The following TNK2 variants were observed in gnomAD, a reference collection of about 807,000 sequenced individuals.
TNK2 encodes the protein tyrosine kinase non receptor 2.
Under a neutral mutation model 101.8 loss-of-function variants are expected in TNK2, and 83 were observed. The observed-to-expected ratio is 0.82, with a 90% CI of 0.68 to 0.98. The LOEUF is 0.98. TNK2 is among the 50% of genes least tolerant of loss of function. The probability of loss-of-function intolerance (pLI) is 0.00; values close to 1 mark genes in which losing one functional copy is unlikely to be tolerated. For missense variants in TNK2, 1,665 were observed against 1,483.2 expected (o/e 1.12, Z -2.01); for synonymous variants, 804 against 633.0 (o/e 1.27, Z -4.06).
intron 1 of TNK2, among the ~76,000 whole-genome samples, chr3:195,906,776 A>G (rs953565510): frequency 2.4e-4 from 36 of 152,224 alleles, no homozygotes; most frequent in African/African-American, 8.4e-4. Context: ...ACTGTTATTT[A>G]AAACAAACAA....
Position 195,878,200 on chromosome 3 carries a change from G to T in TNK2, c.1256+53C>A. 2.5e-6 allele frequency: 4 copies of T among 1,583,714 alleles called. No homozygotes were observed. In the South Asian group the frequency reaches 3.3e-5, roughly 13 times the overall value. Reference sequence around the variant, plus strand: ...AACAGATCTGTCCACAGGTCCCTCCGACCTGTGCCCTTCAAGCGATCCCAG... The same window carrying T: ...AACAGATCTGTCCACAGGTCCCTCCTACCTGTGCCCTTCAAGCGATCCCAG... On this transcript the variant is annotated intron_variant, in intron 9 of 15. Transcript: ENST00000672887. This position sits in a 1 kb window ranked among gnomAD's most constrained non-coding sequence, Gnocchi z 4.7.
chr3:195,889,838 A>G (rs938010535), intron 1 of TNK2, among the ~76,000 whole-genome samples: 1 of 152,190 alleles, frequency 6.6e-6, no homozygotes, highest in African/African-American at 2.4e-5. Flanking sequence ...CTAGCCCCGG[A>G]CCCATGCTCA....
chr3:195,891,944 C>T (rs1005991944), intron 1 of TNK2: 2 of 990,232 alleles, frequency 2.0e-6, no homozygotes, highest in African/African-American at 3.5e-5. Flanking sequence ...TGCTCCCTGA[C>T]CCAGCAACAG....
At position 195,886,957 on chromosome 3, in the gene TNK2, T is replaced by G; in HGVS notation, c.234+20A>C. 2.3e-6 allele frequency: 3 copies of G among 1,280,580 alleles called. No individual in the cohort carries two copies. The highest frequency in any genetic ancestry group is 3.3e-6 in the Non-Finnish European group (3 of 917,902). The allele number at this position is 1,280,580 out of a possible 1,614,324, so 79.3% of individuals were successfully genotyped here. On this transcript the variant is annotated intron_variant, in intron 3 of 15. Transcript: ENST00000672887. The surrounding 1 kb of genome is among the most constrained non-coding windows in gnomAD (Gnocchi z 4.2). ...TCGAGGCTGCCCCCCTCCCACCTCC[T>G]CACCCACCTCCTCACCCACCTTACT...
In TNK2 at chr3:195,885,253, T is replaced by A. The variant is rs1356067398; in HGVS notation, c.235-220A>T. The A allele has an allele frequency of 9.2e-7, 1 of 1,089,306 alleles. No individual in the cohort carries two copies. Among genetic ancestry groups the A allele is most frequent in the Non-Finnish European group, 1.3e-6 (1 of 785,520 alleles). The allele number at this position is 1,089,306 out of a possible 1,614,324, so 67.5% of individuals were successfully genotyped here. On this transcript the variant is annotated intron_variant, in intron 3 of 15. Transcript: ENST00000672887. The surrounding 1 kb of genome is among the most constrained non-coding windows in gnomAD (Gnocchi z 4.7). The stretch of plus-strand genomic sequence containing the variant: ...AGCCTGATGCTGGCCTCAAGGAGGG[T>A]GCCAGAAAGAGACCGACAGGCATGC...
chr3:195,872,254 T>A (rs760164414), intron 10 of TNK2, 22 bp downstream of exon 10: 1 of 1,612,620 alleles, frequency 6.2e-7, no homozygotes, highest in Admixed American at 1.7e-5. Flanking sequence ...CAGGTCAGCA[T>A]CCATCCCCGC....
At chr3:195,895,286 G>C in intron 1 of TNK2, 1 of 1,570,756 alleles carries the variant, frequency 6.4e-7, no homozygotes, top group Middle Eastern at 1.7e-4. Context: ...CTGGTAAGCA[G>C]ATCTCTCCCC....
At position 195,892,405 on chromosome 3, in the gene TNK2, A is replaced by C. The variant is rs754689201; in HGVS notation, c.-18-3799T>G. The C allele has an allele frequency of 1.4e-5, 21 of 1,527,606 alleles. No individual in the cohort carries two copies. The South Asian group carries it at 2.5e-4, about 18-fold the overall frequency. The allele number at this position is 1,527,606 out of a possible 1,614,324, so 94.6% of individuals were successfully genotyped here. A position where few individuals can be genotyped will look rare whatever the true frequency, so the allele number is the denominator to read the frequency against. Reference sequence around the variant, plus strand: ...CCCAGCAGTCCAGCCCCTGCCCCCCACTCACTGTGTACAGGCGTCGCCGCA... The same window carrying C: ...CCCAGCAGTCCAGCCCCTGCCCCCCCCTCACTGTGTACAGGCGTCGCCGCA... On this transcript the variant is annotated intron_variant, in intron 1 of 15. Transcript: ENST00000672887.
intron 2 of TNK2, among the ~76,000 whole-genome samples, chr3:195,887,850 G>A (rs1319578246): frequency 1.0e-5 from 1 of 98,662 alleles, no homozygotes; most frequent in East Asian, 2.3e-4. Context: ...GTGTGTGTGT[G>A]CGTGTCTGTG....
chr3:195,890,341 C>T (rs1355487031), intron 1 of TNK2, among the ~76,000 whole-genome samples: 1 of 152,150 alleles, frequency 6.6e-6, no homozygotes, highest in Non-Finnish European at 1.5e-5. Context: ...AGGACATTCT[C>T]GCACTGTCCC....
In TNK2 at chr3:195,867,453, G is replaced by A. The variant is rs766070915; in HGVS notation, c.2845C>T (p.Pro949Ser). The A allele has an allele frequency of 7.5e-6, 12 of 1,591,684 alleles. No homozygotes were observed. The highest frequency in any genetic ancestry group is 2.0e-4 in the Middle Eastern group (1 of 4,900). ...STNNSNPGAR[P>S]PPPRATARLP... ...CGAGCAGTGGCCCTCGGGGGTGGTG[G>A]CCGGGCCCCTGGGTTGCTGTTGTTG... The change falls in exon 13 of 16, where the codon CCA becomes TCA. Residue 949 changes from proline (P) to serine (S), a missense_variant. Pro to Ser is a moderately conservative substitution (Grantham distance 74). Transcript: ENST00000672887.
intron 1 of TNK2, chr3:195,907,967 CAGAAG>C (rs1761912683): frequency 6.6e-6 from 1 of 152,324 alleles, no homozygotes; most frequent in African/African-American, 2.4e-5. Context: ...GACGGCGTGG[CAGAAG>C]CGGGCCAGGC....
chr3:195,895,243 T>C (rs778510138), intron 1 of TNK2: 35 of 1,539,300 alleles, frequency 2.3e-5, no homozygotes, highest in Non-Finnish European at 3.1e-5. Flanking sequence ...CCTTCCCCAT[T>C]ACCTGCGGTC....
chr3:195,871,723 G>A (rs942889705), intron 10 of TNK2, among the ~76,000 whole-genome samples: 1 of 152,218 alleles, frequency 6.6e-6, no homozygotes, highest in African/African-American at 2.4e-5. Context: ...TTCATCTACA[G>A]TGAGTGGGAA....
intron 9 of TNK2, among the ~76,000 whole-genome samples, chr3:195,876,131 C>G (rs144981601): frequency 2.6e-5 from 4 of 152,152 alleles, no homozygotes; most frequent in Admixed American, 1.3e-4. Flanking sequence ...GCTCTGTATG[C>G]GGAACAAAAG....
At chr3:195,896,196 T>A (rs769619220) in intron 1 of TNK2, 1 of 437,022 alleles carries the variant, frequency 2.3e-6, no homozygotes, top group Admixed American at 2.5e-5. Context: ...GCTCTTCCTC[T>A]CCCCCGGGGC....
intron 1 of TNK2, chr3:195,894,790 G>C (rs1412708190): frequency 6.5e-6 from 1 of 153,762 alleles, no homozygotes; most frequent in Non-Finnish European, 1.4e-5. Flanking sequence ...GCCCTCTGCC[G>C]GTCGGGAGAG....
Position 195,878,414 on chromosome 3 carries a change from C to A in TNK2, c.1161+32G>T, listed in dbSNP as rs1750620572. ...CCTGGGTAGCCCCTCAGCTTGAACACCCCAGCTCTCCTGGGCTGACCTGTC... is the reference window on the plus strand; with the variant it reads ...CCTGGGTAGCCCCTCAGCTTGAACAACCCAGCTCTCCTGGGCTGACCTGTC... On this transcript the variant is annotated intron_variant, in intron 8 of 15. Coordinates refer to ENST00000672887, the MANE Select transcript of TNK2 (RefSeq NM_001382273.1). This position sits in a 1 kb window ranked among gnomAD's most constrained non-coding sequence, Gnocchi z 4.7. 3 of 1,613,872 alleles carry A rather than the reference C, an allele frequency of 1.9e-6. No individual in the cohort carries two copies. Among genetic ancestry groups the A allele is most frequent in the Non-Finnish European group, 8.5e-7 (1 of 1,179,940 alleles).
intron 10 of TNK2, among the ~76,000 whole-genome samples, chr3:195,871,943 G>C (rs912986806): frequency 6.7e-6 from 1 of 149,392 alleles, no homozygotes; most frequent in Non-Finnish European, 1.5e-5. Context: ...CTCCCCTGGA[G>C]AACATTCCCC....
Sources: allele counts gnomAD v4.1 joint callset (sites outside exome capture counted in the v4.1 genomes callset), GRCh38; gene constraint gnomAD v4.1.1; non-coding constraint Gnocchi (gnomAD v3.1); transcripts MANE v1.5; gene names NCBI Gene and HGNC (gene_info 2026-07-23, HGNC 2026-07-21).